Variants in MRPL47 observed in about 807,000 individuals in gnomAD.
MRPL47 encodes the protein large ribosomal subunit protein uL29m.
A neutral mutation model predicts 34.0 loss-of-function variants in MRPL47; 31 were observed. The ratio of observed to expected loss-of-function variants is 0.91; its 90% CI spans 0.68 to 1.23. MRPL47 has a LOEUF of 1.23. MRPL47 is among the 50% of genes most tolerant of loss of function. The pLI is 0.00. For synonymous variants in MRPL47, 106 were observed against 101.6 expected, an observed-to-expected ratio of 1.04 and a Z score of -0.26; for missense variants, 328 against 285.8, an observed-to-expected ratio of 1.15 and a Z score of -1.07.
At chr3:179,589,688 AAAGAC>A (rs746929966) in intron 6 of MRPL47, among the ~76,000 whole-genome samples, 18 of 152,332 alleles carry the variant, frequency 1.2e-4, no homozygotes, top group African/African-American at 1.4e-4. Context: ...TGGGGGGAAA[AAAGAC>A]AATACAATAT....
intron 3 of MRPL47, among the ~76,000 whole-genome samples, chr3:179,601,077 A>G (rs562286867): frequency 3.9e-5 from 6 of 152,322 alleles, no homozygotes; most frequent in African/African-American, 1.4e-4. Context: ...TACACTAAAG[A>G]TTACAGATCA....
intron 6 of MRPL47, among the ~76,000 whole-genome samples, 155 bp downstream of exon 6, chr3:179,592,489 C>G (rs1718698798): frequency 1.3e-5 from 2 of 152,178 alleles, no homozygotes; most frequent in Admixed American, 1.3e-4. Context: ...CCACCGCACC[C>G]AGCCTGACTT....
chr3:179,595,763 T>C (rs1718775629), intron 4 of MRPL47, among the ~76,000 whole-genome samples: 1 of 152,228 alleles, frequency 6.6e-6, no homozygotes, highest in Non-Finnish European at 1.5e-5. Context: ...AAGTATTATT[T>C]AGATATACCT....
At chr3:179,597,978 G>A (rs539336926) in intron 4 of MRPL47, among the ~76,000 whole-genome samples, 1 of 152,198 alleles carries the variant, frequency 6.6e-6, no homozygotes, top group Admixed American at 6.5e-5. Flanking sequence ...TAAGGAAATG[G>A]TTAAACCAGA....
intron 6 of MRPL47, among the ~76,000 whole-genome samples, 170 bp from the exon 7 acceptor site, chr3:179,589,165 C>T (rs1240166702): frequency 6.6e-6 from 1 of 152,172 alleles, no homozygotes; most frequent in Non-Finnish European, 1.5e-5. Flanking sequence ...TAAACCTACA[C>T]AAGTCAAGAG....
chr3:179,590,813 G>C (rs889583077), intron 6 of MRPL47, among the ~76,000 whole-genome samples: 8 of 151,712 alleles, frequency 5.3e-5, no homozygotes, highest in African/African-American at 1.5e-4. Context: ...CTAGGGCAAA[G>C]ACAATGGGAG....
intron 6 of MRPL47, among the ~76,000 whole-genome samples, chr3:179,590,229 C>T (rs1718640681): frequency 6.6e-6 from 1 of 151,904 alleles, no homozygotes; most frequent in Non-Finnish European, 1.5e-5. Context: ...GTCCCAGCTA[C>T]TCAGGAGGCT....
At chr3:179,598,425 C>CACAAAAAAAAAAAAA (rs1718841949) in intron 4 of MRPL47, among the ~76,000 whole-genome samples, 1 of 125,916 alleles carries the variant, frequency 7.9e-6, no homozygotes, top group African/African-American at 3.2e-5. Context: ...CACACACACA[C>CACAAAAAAAAAAAAA]AAACAAAAAA....
In MRPL47 at chr3:179,592,570, C is replaced by G; in HGVS notation, c.629+74G>C. 7.0e-6 allele frequency: 6 copies of G among 855,882 alleles called. No individual in the cohort carries two copies. In the South Asian group the frequency reaches 9.6e-5, roughly 14 times the overall value. 53.0% of individuals were successfully genotyped at this position (855,882 alleles called of 1,614,324 possible). On this transcript the variant is annotated intron_variant, in intron 6 of 6. Transcript: ENST00000476781. ...AAGACAGCTTAAGCTTTCTTTATGTCATCTGGTATGATATATGACCATATG... is the reference window on the plus strand; with the variant it reads ...AAGACAGCTTAAGCTTTCTTTATGTGATCTGGTATGATATATGACCATATG...
intron 4 of MRPL47, among the ~76,000 whole-genome samples, chr3:179,594,317 T>C (rs1463768430): frequency 6.6e-6 from 1 of 152,212 alleles, no homozygotes; most frequent in African/African-American, 2.4e-5. Context: ...ACAGATATTG[T>C]GGCCTGCTTG....
intron 6 of MRPL47, among the ~76,000 whole-genome samples, chr3:179,590,006 T>C (rs1409183079): frequency 1.3e-5 from 2 of 152,186 alleles, no homozygotes; most frequent in Non-Finnish European, 2.9e-5. Flanking sequence ...ATAAAACCTG[T>C]AAAAGTGATA....
In MRPL47 at chr3:179,588,731, G is replaced by A. The variant is rs1718586441; in HGVS notation, c.*141C>T. 5 of 729,860 alleles carry A rather than the reference G, an allele frequency of 6.9e-6. No homozygotes were observed. The highest frequency in any genetic ancestry group is 2.7e-5 in the East Asian group (1 of 36,870). 45.2% of individuals were successfully genotyped at this position (729,860 alleles called of 1,614,324 possible). On this transcript the variant is annotated 3_prime_UTR_variant, in exon 7 of 7. Coordinates refer to ENST00000476781, the MANE Select transcript of MRPL47 (RefSeq NM_020409.3). ...TTCTACCAAATTAGCTAATTAGCAT[G>A]CCATATTCACACTTAGAACAACTGA...
In MRPL47 at chr3:179,592,576, GTATGA is replaced by G. The variant is rs546791168; in HGVS notation, c.629+63_629+67del. The G allele has an allele frequency of 2.0e-5, 18 of 911,044 alleles. No individual in the cohort carries two copies. The African/African-American group carries it at 2.6e-4, about 13-fold the overall frequency. The allele number at this position is 911,044 out of a possible 1,614,324, so 56.4% of individuals were successfully genotyped here. ...GCTTAAGCTTTCTTTATGTCATCTG[GTATGA>G]TATATGACCATATGTCATCTGGTAT... On this transcript the variant is annotated intron_variant, in intron 6 of 6. Transcript: ENST00000476781.
At chr3:179,593,471 C>T (rs144295483) in intron 5 of MRPL47, among the ~76,000 whole-genome samples, 5 of 152,302 alleles carry the variant, frequency 3.3e-5, no homozygotes, top group African/African-American at 1.2e-4. Context: ...TAACTTTCAT[C>T]AAATTCTCAA....
In MRPL47 at chr3:179,599,287, C is replaced by A. The variant is rs527262608; in HGVS notation, c.306-516G>T. 5.3e-5 allele frequency among the ~76,000 whole-genome samples: 8 copies of A among 152,214 alleles called. No individual in the cohort carries two copies. The South Asian group carries it at 8.3e-4, about 16-fold the overall frequency. On this transcript the variant is annotated intron_variant, in intron 3 of 6. Transcript: ENST00000476781. ...TGTTCAATAAACCTTCCATTTGCCA[C>A]ATGTATTAAGTGCTAAGAGAGCTAC...
intron 6 of MRPL47, among the ~76,000 whole-genome samples, chr3:179,589,781 T>C (rs1223317859): frequency 1.3e-5 from 2 of 152,002 alleles, no homozygotes; most frequent in Admixed American, 6.5e-5. Flanking sequence ...TATGCACATA[T>C]ATAGGAAAAA....
At chr3:179,602,938 AT>A (rs199870944) in intron 1 of MRPL47, 141 bp from the exon 2 acceptor site, 63 of 707,388 alleles carry the variant, frequency 8.9e-5, no homozygotes, top group African/African-American at 3.2e-4. Context: ...ACAAGAATTA[AT>A]TTTTTTTTCT....
chr3:179,592,103 G>A (rs1718686792), intron 6 of MRPL47, among the ~76,000 whole-genome samples: 1 of 152,188 alleles, frequency 6.6e-6, no homozygotes, highest in Non-Finnish European at 1.5e-5. Flanking sequence ...AAAGTGCTGG[G>A]ATTACAGGCA....
intron 3 of MRPL47, among the ~76,000 whole-genome samples, chr3:179,601,028 C>T (rs770969670): frequency 5.9e-5 from 9 of 152,158 alleles, no homozygotes; most frequent in East Asian, 1.9e-4. Context: ...CCTAAATTCT[C>T]AATTAAATGC....
Sources: gnomAD v4.1 joint callset for allele counts (sites outside exome capture counted in the v4.1 genomes callset) on GRCh38, gnomAD v4.1.1 for gene constraint, MANE v1.5 for transcripts, NCBI Gene and HGNC (gene_info 2026-07-23, HGNC 2026-07-21) for gene names.